MACROD2: variants seen among roughly 807,000 people sequenced by gnomAD.
The protein encoded by MACROD2 is mono-ADP ribosylhydrolase 2.
MACROD2 carries 36 observed loss-of-function variants against 70.4 expected under a neutral mutation model. The ratio of observed to expected loss-of-function variants is 0.51; its 90% CI spans 0.39 to 0.68. MACROD2 has a LOEUF of 0.68. MACROD2 is among the 30% of genes least tolerant of loss of function. The pLI is 0.00. For missense variants in MACROD2, 496 were observed against 538.4 expected (o/e 0.92, Z 0.78); for synonymous variants, 172 against 178.8 (o/e 0.96, Z 0.30).
At chr20:14,525,489 G>A (rs1368622409) in intron 4 of MACROD2, among the ~76,000 whole-genome samples, 1 of 152,196 alleles carries the variant, frequency 6.6e-6, no homozygotes, top group Non-Finnish European at 1.5e-5. Context: ...GATGAGGAAA[G>A]TGAGGCACAG....
intron 3 of MACROD2, among the ~76,000 whole-genome samples, chr20:14,363,846 A>AAAAAAAG (rs2083248141): frequency 8.1e-6 from 1 of 123,676 alleles, no homozygotes; most frequent in South Asian, 2.4e-4. Context: ...AAAAAAAAAA[A>AAAAAAAG]AAATAAGATT....
At chr20:14,939,050 G>T (rs1354779755) in intron 5 of MACROD2, among the ~76,000 whole-genome samples, 3 of 149,380 alleles carry the variant, frequency 2.0e-5, no homozygotes, top group Non-Finnish European at 3.0e-5. Context: ...CCATGCTATG[G>T]ACTCCAACTT....
intron 3 of MACROD2, among the ~76,000 whole-genome samples, chr20:14,114,238 A>G (rs1328657567): frequency 1.3e-5 from 2 of 152,008 alleles, no homozygotes; most frequent in East Asian, 3.9e-4. Flanking sequence ...TCACATTCTG[A>G]CTCTGTTTGG....
chr20:15,540,694 G>C (rs1021371828), intron 8 of MACROD2, among the ~76,000 whole-genome samples: 2 of 152,182 alleles, frequency 1.3e-5, no homozygotes, highest in African/African-American at 2.4e-5. Flanking sequence ...CAGTACTGGA[G>C]GCTGGCAGTC....
At chr20:15,973,856 A>G (rs1200344840) in intron 13 of MACROD2, among the ~76,000 whole-genome samples, 1 of 152,228 alleles carries the variant, frequency 6.6e-6, no homozygotes, top group Non-Finnish European at 1.5e-5. Flanking sequence ...TGGTTATTTG[A>G]TATTGATAAC....
At chr20:15,553,200 G>A (rs537956324) in intron 8 of MACROD2, among the ~76,000 whole-genome samples, 1 of 152,202 alleles carries the variant, frequency 6.6e-6, no homozygotes, top group African/African-American at 2.4e-5. Context: ...TTCTGCTAGG[G>A]ACTGAGAACA....
intron 5 of MACROD2, among the ~76,000 whole-genome samples, chr20:15,041,386 T>C: frequency 6.6e-6 from 1 of 152,166 alleles, no homozygotes; most frequent in Non-Finnish European, 1.5e-5. Context: ...CATGTACTTC[T>C]AGATTTTATA....
intron 4 of MACROD2, among the ~76,000 whole-genome samples, chr20:14,652,317 A>G (rs112732610): frequency 3.3e-5 from 5 of 152,230 alleles, no homozygotes; most frequent in African/African-American, 9.6e-5. Context: ...TAATTTTACC[A>G]TAATATTTTA....
intron 5 of MACROD2, among the ~76,000 whole-genome samples, chr20:14,826,502 A>T (rs2072904500): frequency 6.6e-6 from 1 of 152,004 alleles, no homozygotes; most frequent in South Asian, 2.1e-4. Context: ...TACAGAATTT[A>T]CTGTTTATTT....
chr20:14,782,364 A>C (rs1192098727), intron 5 of MACROD2, among the ~76,000 whole-genome samples: 1 of 152,174 alleles, frequency 6.6e-6, no homozygotes, highest in Non-Finnish European at 1.5e-5. Context: ...TCTATTCAGA[A>C]AGCAAAGATA....
At chr20:15,659,623 A>G (rs460411) in intron 8 of MACROD2, among the ~76,000 whole-genome samples, 84,627 of 151,692 alleles carry the variant, frequency 0.56, 23,959 homozygotes, top group East Asian at 0.83. Context: ...AGGGGGTAAG[A>G]CACTACTCAA....
intron 8 of MACROD2, among the ~76,000 whole-genome samples, chr20:15,586,465 G>T (rs1341392695): frequency 6.6e-6 from 1 of 152,168 alleles, no homozygotes; most frequent in African/African-American, 2.4e-5. Context: ...TTTTGATTAG[G>T]TAATTTATTT....
In MACROD2 at chr20:15,578,752, C is replaced by T. The variant is rs1467028446; in HGVS notation, c.645+78905C>T. On this transcript the variant is annotated intron_variant, in intron 8 of 17. Transcript: ENST00000684519. ...TAGTTGTATGCAGTTTCAGAAAATC[C>T]GTTGAGCTGTGACTTCATTACTTAC... Among the ~76,000 whole-genome samples the T allele has an allele frequency of 2.4e-5, 3 of 123,048 alleles. 1 individual carries two copies. In the Admixed American group the frequency reaches 2.6e-4, roughly 11 times the overall value. 80.7% of individuals were successfully genotyped at this position (123,048 alleles called of 152,430 possible).
In MACROD2 at chr20:14,520,977, A is replaced by ACG. The variant is rs768372359; in HGVS notation, c.301+27470_301+27471insGC. Among the ~76,000 whole-genome samples the ACG allele has an allele frequency of 6.8e-3, 1,030 of 151,582 alleles. 5 individuals carry two copies. The highest frequency in any genetic ancestry group is 0.023 in the African/African-American group (956 of 41,274). Reference sequence around the variant, plus strand: ...TGCGCGCACACACACACACACACGCACACACACACCCCCCAAATAGGTTTT... The same window carrying ACG: ...TGCGCGCACACACACACACACACGCACGCACACACACCCCCCAAATAGGTTTT... On this transcript the variant is annotated intron_variant, in intron 4 of 17. Coordinates refer to ENST00000684519, the MANE Select transcript of MACROD2 (RefSeq NM_001351661.2).
intron 5 of MACROD2, among the ~76,000 whole-genome samples, chr20:14,726,353 G>T (rs1217961434): frequency 6.6e-6 from 1 of 152,152 alleles, no homozygotes; most frequent in East Asian, 1.9e-4. Flanking sequence ...GGGATCAAAG[G>T]TTACGCTTGA....
At chr20:15,779,442 G>A (rs2051792008) in intron 8 of MACROD2, among the ~76,000 whole-genome samples, 1 of 152,122 alleles carries the variant, frequency 6.6e-6, no homozygotes, top group Admixed American at 6.5e-5. Context: ...GCTTAATTCA[G>A]TGTGATGCTG....
chr20:15,474,086 C>G (rs2046992485), intron 7 of MACROD2, among the ~76,000 whole-genome samples: 10 of 152,166 alleles, frequency 6.6e-5, no homozygotes, highest in Admixed American at 6.5e-4. Flanking sequence ...TATGTCTAAT[C>G]TGAAATAGTA....
chr20:14,006,053 TGTTTACGTAG>T (rs1359724581), intron 2 of MACROD2, among the ~76,000 whole-genome samples: 1 of 152,232 alleles, frequency 6.6e-6, no homozygotes, highest in Non-Finnish European at 1.5e-5. Flanking sequence ...GCCTTTTCTG[TGTTTACGTAG>T]GTTTAAATAC....
intron 5 of MACROD2, among the ~76,000 whole-genome samples, chr20:14,890,993 C>CCTTCCTT (rs1568857423): frequency 4.9e-4 from 27 of 55,106 alleles, no homozygotes; most frequent in African/African-American, 2.8e-3. Flanking sequence ...CTTCCTTCCT[C>CCTTCCTT]CCTCCCTCCC....
Sources: gnomAD v4.1 joint callset for allele counts (sites outside exome capture counted in the v4.1 genomes callset) on GRCh38, gnomAD v4.1.1 for gene constraint, MANE v1.5 for transcripts, NCBI Gene and HGNC (gene_info 2026-07-23, HGNC 2026-07-21) for gene names.